EVC2: variants seen among roughly 807,000 people sequenced by gnomAD.
EVC2 encodes the protein limbin.
EVC2 carries 148 observed loss-of-function variants against 149.3 expected under a neutral mutation model. The observed-to-expected ratio is 0.99, with a 90% CI of 0.87 to 1.14. EVC2 has a LOEUF of 1.14. Ranked by LOEUF, EVC2 falls within the 50% of genes most tolerant of loss-of-function variation. The pLI is 0.00. For synonymous variants in EVC2, 776 were observed against 649.9 expected (o/e 1.19, Z -2.95); for missense variants, 1,854 against 1,627.3 (o/e 1.14, Z -2.40).
chr4:5,688,587 C>T (rs1318009698), intron 5 of EVC2, among the ~76,000 whole-genome samples: 1 of 152,154 alleles, frequency 6.6e-6, no homozygotes, highest in African/African-American at 2.4e-5. Context: ...AATAACAGCC[C>T]ACCTCAGGAA....
chr4:5,534,225 A>G, the EVC2 span, among the ~76,000 whole-genome samples: 2 of 152,204 alleles, frequency 1.3e-5, no homozygotes, highest in African/African-American at 4.8e-5. Context: ...TGCTGTATGA[A>G]GCTGTGAGAG....
chr4:5,680,541 G>T (rs1720270653), intron 7 of EVC2, among the ~76,000 whole-genome samples: 1 of 152,152 alleles, frequency 6.6e-6, no homozygotes, highest in African/African-American at 2.4e-5. Flanking sequence ...TAAGTCCCGT[G>T]AGTCACCCTA....
intron 16 of EVC2, among the ~76,000 whole-genome samples, chr4:5,587,214 T>C (rs1712366691): frequency 1.3e-5 from 2 of 152,122 alleles, no homozygotes; most frequent in Admixed American, 1.3e-4. Context: ...CTGAGAACAT[T>C]TTCACCACCC....
At chr4:5,588,241 A>C (rs1712473123) in intron 16 of EVC2, among the ~76,000 whole-genome samples, 1 of 152,168 alleles carries the variant, frequency 6.6e-6, no homozygotes, top group East Asian at 1.9e-4. Context: ...ATTATTTGAA[A>C]TGAGAAATCG....
chr4:5,677,940 T>C lies in EVC2; in HGVS notation c.870+3320A>G, dbSNP rs1720100653. 6.6e-6 allele frequency among the ~76,000 whole-genome samples: 1 copy of C among 152,198 alleles called. No homozygotes were observed. Among genetic ancestry groups the C allele is most frequent in the South Asian group, 2.1e-4 (1 of 4,828 alleles). On this transcript the variant is annotated intron_variant, in intron 7 of 21. Transcript: ENST00000344408. The surrounding 1 kb of genome is among the most constrained non-coding windows in gnomAD (Gnocchi z 4.3). ...TCTTCTGTGCAGGACTCTGGCTCTC[T>C]GGGAGGCGGTGTGGTCCAGTGCCTG...
chr4:5,612,104 C>T (rs559665265), intron 16 of EVC2, among the ~76,000 whole-genome samples: 2 of 152,262 alleles, frequency 1.3e-5, no homozygotes, highest in African/African-American at 4.8e-5. Flanking sequence ...GAAAACAAGC[C>T]ATACAGAAAA....
At chr4:5,605,509 AAGAT>A (rs199533093) in intron 16 of EVC2, among the ~76,000 whole-genome samples, 3 of 152,192 alleles carry the variant, frequency 2.0e-5, no homozygotes, top group African/African-American at 4.8e-5. Context: ...ATGGATAGAT[AAGAT>A]AGATAGATAG....
chr4:5,624,181 G>A lies in EVC2; in HGVS notation c.2047-1190C>T, dbSNP rs997535203. Among the ~76,000 whole-genome samples the A allele has an allele frequency of 2.5e-4, 38 of 152,248 alleles. 2 individuals are homozygous for A. Among genetic ancestry groups the A allele is most frequent in the Admixed American group, 2.2e-3 (34 of 15,296 alleles). On this transcript the variant is annotated intron_variant, in intron 13 of 21. Coordinates refer to ENST00000344408, the MANE Select transcript of EVC2 (RefSeq NM_147127.5). ...AAAAAGCAGTTGGTGCAAAGGCCCCGTGGTGGGAAAAAAATTGAGATGCAT... is the reference window on the plus strand; with the variant it reads ...AAAAAGCAGTTGGTGCAAAGGCCCCATGGTGGGAAAAAAATTGAGATGCAT...
intron 9 of EVC2, among the ~76,000 whole-genome samples, chr4:5,649,644 T>C (rs1485770627): frequency 1.3e-5 from 2 of 152,230 alleles, no homozygotes; most frequent in Non-Finnish European, 2.9e-5. Context: ...TTAATCAACA[T>C]GGTGGATAAT....
intron 8 of EVC2, among the ~76,000 whole-genome samples, chr4:5,663,820 C>G (rs1394264533): frequency 6.6e-6 from 1 of 152,078 alleles, no homozygotes; most frequent in African/African-American, 2.4e-5. Context: ...ACTCAGGAGG[C>G]TAAGGCAGGA....
rs1473269629 is a variant in EVC2 at position 5,630,522 on chromosome 4, AT to A, written c.1710+1270del. On this transcript the variant is annotated intron_variant, in intron 11 of 21. Coordinates refer to ENST00000344408, the MANE Select transcript of EVC2 (RefSeq NM_147127.5). ...TCTGTCCTTCTAGCACAAGTAGGGA[AT>A]TTCAAGGTGGGAAAATTAACCAGCA... Among the ~76,000 whole-genome samples the A allele has an allele frequency of 2.0e-5, 3 of 152,332 alleles. No individual in the cohort carries two copies. In the East Asian group the frequency reaches 5.8e-4, roughly 29 times the overall value.
chr4:5,578,651 G>T (rs1159153773), intron 17 of EVC2, among the ~76,000 whole-genome samples: 1 of 152,106 alleles, frequency 6.6e-6, no homozygotes, highest in Non-Finnish European at 1.5e-5. Context: ...GGATGGAAGT[G>T]TGGATGGAGG....
At chr4:5,616,269 G>A (rs1256898810) in intron 15 of EVC2, among the ~76,000 whole-genome samples, 1 of 152,224 alleles carries the variant, frequency 6.6e-6, no homozygotes, top group African/African-American at 2.4e-5. Context: ...TTGAGGTCAT[G>A]TTGGAACTTG....
chr4:5,697,572 T>G, intron 2 of EVC2, 21 bp downstream of exon 2: 1 of 1,613,796 alleles, frequency 6.2e-7, no homozygotes, highest in Non-Finnish European at 8.5e-7. Flanking sequence ...CAGGGGAACA[T>G]CAACCAGAAG....
At chr4:5,699,934 A>G (rs993727326) in intron 1 of EVC2, among the ~76,000 whole-genome samples, 1 of 152,182 alleles carries the variant, frequency 6.6e-6, no homozygotes, top group Non-Finnish European at 1.5e-5. Context: ...TGAGGTCAGG[A>G]GTTCGAGACC....
At chr4:5,658,693 T>C (rs991941365) in intron 9 of EVC2, among the ~76,000 whole-genome samples, 1 of 152,204 alleles carries the variant, frequency 6.6e-6, no homozygotes, top group Admixed American at 6.5e-5. Context: ...GAAGAAAAGA[T>C]TGAAAACACT....
chr4:5,640,860 A>G lies in EVC2; in HGVS notation c.1146-22T>C. ...CAACCTAGGAAACACAAAAATCAAA[A>G]GAATTCCATTACATGAAATTGCAAC... On this transcript the variant is annotated intron_variant, in intron 9 of 21. Transcript: ENST00000344408. This position sits in a 1 kb window ranked among gnomAD's most constrained non-coding sequence, Gnocchi z 4.6. 3.7e-6 allele frequency: 6 copies of G among 1,613,926 alleles called. No individual in the cohort carries two copies. The highest frequency in any genetic ancestry group is 5.1e-6 in the Non-Finnish European group (6 of 1,179,872).
chr4:5,703,313 CAAG>C (rs1721943280), intron 1 of EVC2, among the ~76,000 whole-genome samples: 3 of 152,104 alleles, frequency 2.0e-5, no homozygotes. Context: ...CTGATAATGC[CAAG>C]AAGTAACTAT....
rs375375559 is a variant in EVC2, at chr4:5,679,656, T to C, written c.870+1604A>G. On this transcript the variant is annotated intron_variant, in intron 7 of 21. Transcript: ENST00000344408. This position sits in a 1 kb window ranked among gnomAD's most constrained non-coding sequence, Gnocchi z 5.1. ...ATTTTACTTTAAGTTCTGGGATACA[T>C]ATGCAGAACGTGCAGGTTTGTTACA... Among the ~76,000 whole-genome samples the C allele has an allele frequency of 9.2e-5, 14 of 152,282 alleles. No individual in the cohort carries two copies. Among genetic ancestry groups the C allele is most frequent in the African/African-American group, 3.4e-4 (14 of 41,550 alleles).
Sources: gnomAD v4.1 joint callset for allele counts (sites outside exome capture counted in the v4.1 genomes callset) on GRCh38, gnomAD v4.1.1 for gene constraint, Gnocchi (gnomAD v3.1) non-coding constraint, MANE v1.5 for transcripts, NCBI Gene and HGNC (gene_info 2026-07-23, HGNC 2026-07-21) for gene names.